NSF: variants seen among roughly 807,000 people sequenced by gnomAD.
The protein encoded by NSF is vesicle-fusing ATPase.
NSF carries 14 observed loss-of-function variants against 50.3 expected under a neutral mutation model. The ratio of observed to expected loss-of-function variants is 0.28; its 90% CI spans 0.18 to 0.44. The LOEUF is 0.44. NSF is among the 20% of genes least tolerant of loss of function. The pLI is 1.00. For synonymous variants in NSF, 109 were observed against 175.7 expected (o/e 0.62, Z 3.00); for missense variants, 218 against 504.3 (o/e 0.43, Z 5.44).
rs1555668573 is a variant in NSF, at chr17:46,631,080, A to ACACACACACACACACACACACG, written c.238+651_238+652insGCACACACACACACACACACAC. ...TCTCTGTACACACACACACACACAC[A>ACACACACACACACACACACACG]CACACACACACACACACACACACAC... On this transcript the variant is annotated intron_variant, in intron 4 of 20. Coordinates refer to ENST00000398238, the MANE Select transcript of NSF (RefSeq NM_006178.4). Among the ~76,000 whole-genome samples, 84 of 143,936 alleles carry ACACACACACACACACACACACG rather than the reference A, an allele frequency of 5.8e-4. 1 individual carries two copies. The highest frequency in any genetic ancestry group is 3.4e-3 in the Middle Eastern group (1 of 294). 94.4% of individuals were successfully genotyped at this position (143,936 alleles called of 152,430 possible).
intron 15 of NSF, among the ~76,000 whole-genome samples, chr17:46,725,883 C>T (rs2058884413): frequency 6.6e-6 from 1 of 152,202 alleles, no homozygotes; most frequent in Non-Finnish European, 1.5e-5. Context: ...TTGAGTACTT[C>T]TATTCAACTT....
At position 46,751,497 on chromosome 17, in the gene NSF, T is replaced by C. The variant is rs1259136474; in HGVS notation, c.2044-6T>C. On this transcript the variant is annotated splice_region_variant and splice_polypyrimidine_tract_variant and intron_variant, in intron 18 of 20. Coordinates refer to ENST00000398238, the MANE Select transcript of NSF (RefSeq NM_006178.4). ...GTGCTTTGATTATTGTTTATTGTTT[T>C]TGTAGCTTTTGGGCAACTTCAAGGA... 1.2e-6 allele frequency: 2 copies of C among 1,609,202 alleles called. No homozygotes were observed. The highest frequency in any genetic ancestry group is 3.3e-5 in the Admixed American group (2 of 59,948).
At chr17:46,666,136 G>A (rs2058334682) in intron 8 of NSF, among the ~76,000 whole-genome samples, 1 of 150,036 alleles carries the variant, frequency 6.7e-6, no homozygotes, top group South Asian at 2.1e-4. Flanking sequence ...AAGATAAAGG[G>A]GAACTTTGGA....
At chr17:46,708,206 C>T (rs2058675786) in intron 13 of NSF, among the ~76,000 whole-genome samples, 1 of 152,076 alleles carries the variant, frequency 6.6e-6, no homozygotes, top group African/African-American at 2.4e-5. Flanking sequence ...CGGGTATATA[C>T]TCAGAAGTGG....
chr17:46,742,485 G>A (rs1158281972), intron 17 of NSF, among the ~76,000 whole-genome samples: 1 of 152,212 alleles, frequency 6.6e-6, no homozygotes, highest in African/African-American at 2.4e-5. Flanking sequence ...TCCTGATGAA[G>A]GAGAACTAGC....
chr17:46,712,083 A>C (rs893128232), intron 14 of NSF, among the ~76,000 whole-genome samples: 14 of 152,180 alleles, frequency 9.2e-5, no homozygotes, highest in African/African-American at 3.4e-4. Flanking sequence ...AATGGATTGG[A>C]GGGGCAAAAA....
rs928518576 is a variant in NSF, at chr17:46,721,665, G to C, written c.1762-4884G>C. The C allele has an allele frequency of 1.4e-5, 22 of 1,602,002 alleles. No homozygotes were observed. In the African/African-American group the frequency reaches 2.6e-4, roughly 19 times the overall value. On this transcript the variant is annotated intron_variant, in intron 15 of 20. Coordinates refer to ENST00000398238, the MANE Select transcript of NSF (RefSeq NM_006178.4). ...ACACCAGAAAAAGTTTCAACCTTGT[G>C]TTCCACATTGTTCTGCTGTGCTTTG...
intron 16 of NSF, 39 bp from the exon 17 acceptor site, chr17:46,728,816 T>G: frequency 7.3e-7 from 1 of 1,370,580 alleles, no homozygotes; most frequent in Non-Finnish European, 1.0e-6. Context: ...TATGTACATG[T>G]GTATCAAATC....
At chr17:46,735,179 G>T (rs991945949) in intron 17 of NSF, among the ~76,000 whole-genome samples, 4 of 152,116 alleles carry the variant, frequency 2.6e-5, no homozygotes, top group African/African-American at 9.7e-5. Context: ...ATCTATAGTA[G>T]ATATTAATAC....
rs1166199959 is a variant in NSF at position 46,665,947 on chromosome 17, ATCTAGCGT to A, written c.746-8465_746-8458del. Among the ~76,000 whole-genome samples the A allele has an allele frequency of 2.3e-5, 3 of 133,188 alleles. No individual in the cohort carries two copies. The East Asian group carries it at 6.3e-4, about 28-fold the overall frequency. 87.4% of individuals were successfully genotyped at this position (133,188 alleles called of 152,430 possible). ...AAAGGATGGTGGATGGGCTATGTTG[ATCTAGCGT>A]TGCAAAAACACTTTTGGATGAAGTG... On this transcript the variant is annotated intron_variant, in intron 8 of 20. Coordinates refer to ENST00000398238, the MANE Select transcript of NSF (RefSeq NM_006178.4).
chr17:46,748,267 A>G (rs1426787257), intron 17 of NSF, among the ~76,000 whole-genome samples: 1 of 152,000 alleles, frequency 6.6e-6, no homozygotes, highest in Non-Finnish European at 1.5e-5. Context: ...ACGTGTCACC[A>G]TGCCCAGCTA....
intron 8 of NSF, among the ~76,000 whole-genome samples, chr17:46,666,058 C>T (rs1279615508): frequency 2.0e-5 from 3 of 149,904 alleles, no homozygotes; most frequent in African/African-American, 4.9e-5. Flanking sequence ...TGTGTGCTCC[C>T]CAAGAAAGGG....
At chr17:46,739,708 C>T (rs1176236268) in intron 17 of NSF, among the ~76,000 whole-genome samples, 1 of 150,176 alleles carries the variant, frequency 6.7e-6, no homozygotes, top group Admixed American at 6.7e-5. Flanking sequence ...ATATTTTCTT[C>T]CACCAAAAAG....
At chr17:46,721,550 T>G (rs952756436) in intron 15 of NSF, 6 of 1,258,288 alleles carry the variant, frequency 4.8e-6, no homozygotes, top group Non-Finnish European at 6.9e-6. Flanking sequence ...TGTGTGTGTG[T>G]GAATATATAC....
rs2059240196 is a variant in NSF at position 46,756,929 on chromosome 17, A to G, written c.*1106A>G. ...CCTTTTGAGGGTGATTTGTCTTACA[A>G]CTGACTGACTTAGCAGGAATTTAAT... On this transcript the variant is annotated 3_prime_UTR_variant, in exon 21 of 21. Transcript: ENST00000398238. 1 of 152,556 alleles carries G rather than the reference A, an allele frequency of 6.6e-6. No individual in the cohort carries two copies. Among genetic ancestry groups the G allele is most frequent in the African/African-American group, 2.4e-5 (1 of 41,446 alleles). The allele number at this position is 152,556 out of a possible 1,614,324, so 9.5% of individuals were successfully genotyped here. A position where few individuals can be genotyped will look rare whatever the true frequency, so the allele number is the denominator to read the frequency against.
intron 15 of NSF, chr17:46,721,549 G>A: frequency 8.0e-7 from 1 of 1,247,202 alleles, no homozygotes; most frequent in Non-Finnish European, 1.2e-6. Context: ...CTGTGTGTGT[G>A]TGAATATATA....
At chr17:46,734,269 A>C (rs2058978641) in intron 17 of NSF, among the ~76,000 whole-genome samples, 1 of 152,202 alleles carries the variant, frequency 6.6e-6, no homozygotes. Flanking sequence ...ACTCTGGCTA[A>C]TGACTATGAT....
In NSF at chr17:46,749,781, G is replaced by A; in HGVS notation, c.1917G>A (p.Lys639=). ...LLKKAPPQGR[K]LLIIGTTSRK... is the part of the protein sequence containing the mutation. ...TTTCTCCCTATGATCAGGGCCGCAA[G>A]CTTCTTATCATTGGGACCACTAGCC... Residue 639 remains lysine (K), a synonymous_variant, in exon 18 of 21, where the codon AAG becomes AAA. Transcript: ENST00000398238. 1.2e-6 allele frequency: 2 copies of A among 1,613,420 alleles called. No individual in the cohort carries two copies. The highest frequency in any genetic ancestry group is 1.1e-5 in the South Asian group (1 of 90,958).
At chr17:46,723,465 T>C (rs1172453827) in intron 15 of NSF, among the ~76,000 whole-genome samples, 3 of 152,236 alleles carry the variant, frequency 2.0e-5, no homozygotes, top group Non-Finnish European at 4.4e-5. Flanking sequence ...TTGTCTCGAA[T>C]GTACCAACTC....
Sources: gnomAD v4.1 joint callset for allele counts (sites outside exome capture counted in the v4.1 genomes callset) on GRCh38, gnomAD v4.1.1 for gene constraint, MANE v1.5 for transcripts, NCBI Gene and HGNC (gene_info 2026-07-23, HGNC 2026-07-21) for gene names.